MYH15: variants seen among roughly 807,000 people sequenced by gnomAD.
The protein encoded by MYH15 is myosin-15.
Under a neutral mutation model 240.5 loss-of-function variants are expected in MYH15, and 227 were observed. The observed-to-expected ratio is 0.94, with a 90% CI of 0.85 to 1.05. The LOEUF (loss-of-function observed/expected upper bound fraction) is 1.05. Ranked by LOEUF, MYH15 falls within the 50% of genes least tolerant of loss-of-function variation. MYH15 has a pLI of 0.00. For missense variants in MYH15, 2,217 were observed against 2,247.5 expected (o/e 0.99, Z 0.27); for synonymous variants, 785 against 796.7 (o/e 0.99, Z 0.25).
In MYH15 at chr3:108,463,438, C is replaced by T. The variant is rs1354806270; in HGVS notation, c.1732-195G>A. Among the ~76,000 whole-genome samples, 22 of 152,044 alleles carry T rather than the reference C, an allele frequency of 1.4e-4. 2 individuals are homozygous for T. Among genetic ancestry groups the T allele is most frequent in the Admixed American group, 1.4e-3 (22 of 15,250 alleles). Reference sequence around the variant, plus strand: ...CAATCAATCCTTCCCCCTCAGCCTCCAGAGTAGCTGGGACTATAGGCACAT... The same window carrying T: ...CAATCAATCCTTCCCCCTCAGCCTCTAGAGTAGCTGGGACTATAGGCACAT... On this transcript the variant is annotated intron_variant, in intron 15 of 40. Transcript: ENST00000693548.
intron 25 of MYH15, among the ~76,000 whole-genome samples, chr3:108,431,819 A>T (rs1413089933): frequency 6.6e-6 from 1 of 152,212 alleles, no homozygotes; most frequent in African/African-American, 2.4e-5. Flanking sequence ...AAATGCTGAT[A>T]ATGAAATGGA....
chr3:108,457,014 G>T, intron 18 of MYH15, 131 bp from the exon 19 acceptor site: 1 of 652,752 alleles, frequency 1.5e-6, no homozygotes. Flanking sequence ...ATAGGTCATA[G>T]ATGTTCACTC....
chr3:108,527,240 G>A (rs2083679573), intron 1 of MYH15, among the ~76,000 whole-genome samples: 1 of 152,116 alleles, frequency 6.6e-6, no homozygotes, highest in African/African-American at 2.4e-5. Context: ...CAGTAAGCAA[G>A]CAGGAGGATT....
At chr3:108,510,660 C>G (rs2083515732), upstream of MYH15, 1 of 1,425,696 alleles carries the variant, frequency 7.0e-7, no homozygotes, top group Admixed American at 2.0e-5. Context: ...AGCAACCATT[C>G]ACATAGATAG....
the MYH15 span, among the ~76,000 whole-genome samples, chr3:108,547,549 A>G: frequency 6.6e-6 from 1 of 152,026 alleles, no homozygotes; most frequent in Non-Finnish European, 1.5e-5. Flanking sequence ...AAAAATCAAT[A>G]TGCTTAACAT....
chr3:108,465,211 T>G (rs1477620578), intron 14 of MYH15, among the ~76,000 whole-genome samples: 1 of 151,532 alleles, frequency 6.6e-6, no homozygotes, highest in Non-Finnish European at 1.5e-5. Flanking sequence ...TTAGATAGAG[T>G]CATTGGGTAA....
intron 19 of MYH15, 88 bp from the exon 20 acceptor site, chr3:108,455,947 CAT>C (rs1386712668): frequency 6.6e-5 from 88 of 1,325,302 alleles, no homozygotes; most frequent in Non-Finnish European, 8.8e-5. Flanking sequence ...TGAAAGGAGA[CAT>C]AGATTTTTAT....
intron 9 of MYH15, among the ~76,000 whole-genome samples, chr3:108,490,322 A>T (rs982479788): frequency 6.6e-6 from 1 of 152,216 alleles, no homozygotes; most frequent in Non-Finnish European, 1.5e-5. Flanking sequence ...TTTATACCAT[A>T]CTTAGTCTAA....
intron 10 of MYH15, 37 bp downstream of exon 10, chr3:108,486,386 A>G (rs1317581980): frequency 7.3e-6 from 11 of 1,508,196 alleles, no homozygotes; most frequent in Admixed American, 1.7e-5. Context: ...TCTCATTGCC[A>G]TTACCAGATT....
In MYH15 at chr3:108,501,822, T is replaced by C. The variant is rs770289708; in HGVS notation, c.229A>G (p.Met77Val). Residue 77 changes from methionine (M) to valine (V), a missense_variant, in exon 3 of 41, where the codon ATG (methionine) becomes GTG (valine). Transcript: ENST00000693548. The part of the protein sequence containing the change: ...LSIKEDKIQQ[M>V]NPPEFEMIED... The stretch of plus-strand genomic sequence containing the variant: ...ATCATTTCAAACTCTGGAGGATTCA[T>C]CTGCTGGATTTTGTCCTCCTTTATG... 1.9e-6 allele frequency: 3 copies of C among 1,614,092 alleles called. No individual in the cohort carries two copies. Among genetic ancestry groups the C allele is most frequent in the Non-Finnish European group, 2.5e-6 (3 of 1,179,952 alleles).
chr3:108,486,788 A>T (rs2083309341), intron 9 of MYH15, among the ~76,000 whole-genome samples: 1 of 151,278 alleles, frequency 6.6e-6, no homozygotes, highest in Non-Finnish European at 1.5e-5. Context: ...CAATTGGTGT[A>T]AAAAAAAACA....
chr3:108,383,544 C>A, intron 40 of MYH15, 51 bp downstream of exon 40: 1 of 1,586,030 alleles, frequency 6.3e-7, no homozygotes, highest in Non-Finnish European at 8.6e-7. Context: ...TGACATCAGC[C>A]CTAAACAAAC....
intron 3 of MYH15, 48 bp downstream of exon 3, chr3:108,501,664 C>A (rs2083439294): frequency 1.2e-6 from 2 of 1,609,962 alleles, no homozygotes; most frequent in Non-Finnish European, 1.7e-6. Flanking sequence ...TTGGGACATG[C>A]AATGTGACTG....
chr3:108,492,389 C>A (rs1382296757), intron 9 of MYH15, 111 bp downstream of exon 9: 2 of 591,366 alleles, frequency 3.4e-6, no homozygotes, highest in Admixed American at 6.0e-5. Context: ...GATGAATATA[C>A]TGAGGTCTAA....
the MYH15 span, among the ~76,000 whole-genome samples, chr3:108,546,489 T>C: frequency 1.3e-5 from 2 of 152,158 alleles, no homozygotes; most frequent in Non-Finnish European, 2.9e-5. Flanking sequence ...AATAACATAA[T>C]GAAAGTGAAA....
chr3:108,547,089 A>T, the MYH15 span, among the ~76,000 whole-genome samples: 1 of 151,842 alleles, frequency 6.6e-6, no homozygotes, highest in Non-Finnish European at 1.5e-5. Context: ...CCATATATAT[A>T]TATATATGTC....
upstream of MYH15, among the ~76,000 whole-genome samples, chr3:108,533,475 A>G (rs1055443286): frequency 2.0e-5 from 3 of 152,206 alleles, no homozygotes; most frequent in African/African-American, 7.2e-5. Flanking sequence ...TGATGATCAA[A>G]TAAGAGAATG....
intron 1 of MYH15, 94 bp from the exon 2 acceptor site, chr3:108,505,923 TC>T: frequency 1.3e-6 from 1 of 762,828 alleles, no homozygotes; most frequent in Non-Finnish European, 2.1e-6. Flanking sequence ...TAATCTCATT[TC>T]TGCTAAATCA....
intron 18 of MYH15, 31 bp from the exon 19 acceptor site, chr3:108,456,914 G>C (rs747966184): frequency 6.7e-7 from 1 of 1,498,980 alleles, no homozygotes; most frequent in South Asian, 1.2e-5. Context: ...TGGTGGATCT[G>C]TGCCTGAAAA....
Sources: allele counts gnomAD v4.1 joint callset (sites outside exome capture counted in the v4.1 genomes callset), GRCh38; gene constraint gnomAD v4.1.1; transcripts MANE v1.5; gene names NCBI Gene and HGNC (gene_info 2026-07-23, HGNC 2026-07-21).